The following BSDC1 variants were observed in gnomAD, a reference collection of about 807,000 sequenced individuals.
BSDC1 encodes the protein BSD domain containing 1.
A neutral mutation model predicts 56.0 loss-of-function variants in BSDC1; 29 were observed. That is an observed-to-expected ratio of 0.52 (90% CI 0.39 to 0.71). BSDC1 has a LOEUF of 0.71. BSDC1 is among the 30% of genes least tolerant of loss of function. The pLI, the probability that BSDC1 is intolerant of heterozygous loss-of-function variation, is 0.00. For missense variants in BSDC1, 477 were observed against 548.5 expected, an observed-to-expected ratio of 0.87 and a Z score of 1.30; for synonymous variants, 210 against 215.3, an observed-to-expected ratio of 0.98 and a Z score of 0.21.
At chr1:32,393,445 A>C (rs1369222494) in intron 2 of BSDC1, among the ~76,000 whole-genome samples, 2 of 152,172 alleles carry the variant, frequency 1.3e-5, no homozygotes, top group Non-Finnish European at 2.9e-5. Context: ...CTGTCTAGGC[A>C]GGGTTGCCCT....
intron 4 of BSDC1, among the ~76,000 whole-genome samples, chr1:32,382,081 G>A (rs1199795100): frequency 6.6e-6 from 1 of 151,998 alleles, no homozygotes; most frequent in Non-Finnish European, 1.5e-5. Flanking sequence ...ACAAAAATTA[G>A]CCGGGCATGG....
At chr1:32,389,080 G>A (rs1039487848) in intron 2 of BSDC1, among the ~76,000 whole-genome samples, 3 of 151,066 alleles carry the variant, frequency 2.0e-5, no homozygotes, top group Non-Finnish European at 4.4e-5. Context: ...TCAGCCTCCC[G>A]AGTAGCTGGG....
At chr1:32,383,012 G>T (rs1642541638) in intron 4 of BSDC1, among the ~76,000 whole-genome samples, 6 of 151,860 alleles carry the variant, frequency 4.0e-5, no homozygotes, top group Admixed American at 3.9e-4. Flanking sequence ...TAACCCAAAT[G>T]TGGAGATTAT....
In BSDC1 at chr1:32,366,543, C is replaced by A; in HGVS notation, c.*79G>T. On this transcript the variant is annotated 3_prime_UTR_variant, in exon 11 of 11. Coordinates refer to ENST00000455895, the MANE Select transcript of BSDC1 (RefSeq NM_018045.8). ...CAGAGGAGATTTGGGGGAACATTCT[C>A]AGTCTTCCAGGGCTGGGCTGAGACG... is the stretch of plus-strand genomic sequence containing the variant. The A allele has an allele frequency of 7.6e-7, 1 of 1,318,792 alleles. No individual in the cohort carries two copies. The highest frequency in any genetic ancestry group is 1.3e-5 in the South Asian group (1 of 79,414). 81.7% of individuals were successfully genotyped at this position (1,318,792 alleles called of 1,614,324 possible). A position where few individuals can be genotyped will look rare whatever the true frequency, so the allele number is the denominator to read the frequency against.
At chr1:32,380,952 A>G (rs542063259) in intron 5 of BSDC1, among the ~76,000 whole-genome samples, 3 of 152,278 alleles carry the variant, frequency 2.0e-5, no homozygotes, top group South Asian at 4.1e-4. Context: ...CAAGGGGGGC[A>G]GCAGGGCTGG....
intron 9 of BSDC1, among the ~76,000 whole-genome samples, chr1:32,372,130 C>T (rs898676955): frequency 2.6e-5 from 4 of 152,194 alleles, no homozygotes; most frequent in Non-Finnish European, 5.9e-5. Context: ...CATACATACA[C>T]ATGGCTATGT....
At chr1:32,382,219 T>TC (rs1642502865) in intron 4 of BSDC1, among the ~76,000 whole-genome samples, 1 of 120,738 alleles carries the variant, frequency 8.3e-6, no homozygotes, top group African/African-American at 3.3e-5. Context: ...AGAGAGAGAC[T>TC]CCATCTCAAA....
intron 10 of BSDC1, chr1:32,367,125 G>A (rs1286724601): frequency 2.0e-6 from 2 of 986,200 alleles, no homozygotes; most frequent in East Asian, 1.1e-4. Context: ...GTGGCACTGT[G>A]GCCAAAAGCA....
In BSDC1 at chr1:32,378,595, G is replaced by A. The variant is rs536919746; in HGVS notation, c.528+129C>T. ...GGGGTCTTGGCTCAGGACACAGCTGGTCTGGCTCTATGGAGCCTCCCAGTG... is the reference window on the plus strand; with the variant it reads ...GGGGTCTTGGCTCAGGACACAGCTGATCTGGCTCTATGGAGCCTCCCAGTG... On this transcript the variant is annotated intron_variant, in intron 6 of 10. Coordinates refer to ENST00000455895, the MANE Select transcript of BSDC1 (RefSeq NM_018045.8). This position sits in a 1 kb window ranked among gnomAD's most constrained non-coding sequence, Gnocchi z 5.2. 1.4e-6 allele frequency: 1 copy of A among 702,340 alleles called. No homozygotes were observed. The highest frequency in any genetic ancestry group is 2.7e-5 in the East Asian group (1 of 36,526). 43.5% of individuals were successfully genotyped at this position (702,340 alleles called of 1,614,324 possible).
In BSDC1 at chr1:32,378,535, T is replaced by C. The variant is rs148506012; in HGVS notation, c.528+189A>G. Reference sequence around the variant, plus strand: ...CCTTCCATTTCTCACCATTCTCTGATTGCCAGAAGCCTGGCAAACCAGCTT... The same window carrying C: ...CCTTCCATTTCTCACCATTCTCTGACTGCCAGAAGCCTGGCAAACCAGCTT... On this transcript the variant is annotated intron_variant, in intron 6 of 10. Transcript: ENST00000455895. This position sits in a 1 kb window ranked among gnomAD's most constrained non-coding sequence, Gnocchi z 5.2. Among the ~76,000 whole-genome samples the C allele has an allele frequency of 1.0e-3, 153 of 152,326 alleles. 1 individual carries two copies. In the Middle Eastern group the frequency reaches 0.014, roughly 14 times the overall value.
chr1:32,386,762 G>C lies in BSDC1; in HGVS notation c.189+17C>G. ...TTGCGAGGGGCAGTTACTTGGGAGG[G>C]TTTGGGTGGTACTCACAGCCAGCTT... On this transcript the variant is annotated intron_variant, in intron 3 of 10. Coordinates refer to ENST00000455895, the MANE Select transcript of BSDC1 (RefSeq NM_018045.8). The C allele has an allele frequency of 6.2e-7, 1 of 1,607,558 alleles. No individual in the cohort carries two copies. Among genetic ancestry groups the C allele is most frequent in the Non-Finnish European group, 8.5e-7 (1 of 1,175,144 alleles).
intron 3 of BSDC1, among the ~76,000 whole-genome samples, chr1:32,385,976 T>G (rs1454921379): frequency 6.6e-6 from 1 of 152,030 alleles, no homozygotes; most frequent in Non-Finnish European, 1.5e-5. Context: ...ATCCACATAA[T>G]GGAATACCAT....
At chr1:32,366,863 T>C in intron 10 of BSDC1, 1 of 1,303,972 alleles carries the variant, frequency 7.7e-7, no homozygotes, top group Middle Eastern at 2.9e-4. Flanking sequence ...CCTGATGCTC[T>C]GATTACCTCA....
At chr1:32,394,214 C>G (rs1290027731) in intron 1 of BSDC1, 74 bp from the exon 2 acceptor site, 2 of 1,574,662 alleles carry the variant, frequency 1.3e-6, no homozygotes, top group Non-Finnish European at 1.7e-6. Context: ...TTGTTCCCCG[C>G]TCAGATGTAC....
At chr1:32,383,255 C>A (rs1168185358) in intron 4 of BSDC1, among the ~76,000 whole-genome samples, 1 of 151,998 alleles carries the variant, frequency 6.6e-6, no homozygotes, top group African/African-American at 2.4e-5. Context: ...CCAGCCTGGG[C>A]AACACAGTGA....
Position 32,365,161 on chromosome 1 carries a change from G to C in BSDC1, c.*1461C>G, listed in dbSNP as rs908572603. 1.4e-4 allele frequency: 22 copies of C among 152,168 alleles called. No homozygotes were observed. The highest frequency in any genetic ancestry group is 4.1e-4 in the African/African-American group (17 of 41,424). 9.4% of individuals were successfully genotyped at this position (152,168 alleles called of 1,614,324 possible). The stretch of plus-strand genomic sequence containing the variant: ...AACGGCAAGTCTGTAAAAGGTTCAG[G>C]ACAAAGTTCTTTTTTCTTTCTTTTT... On this transcript the variant is annotated 3_prime_UTR_variant, in exon 11 of 11. Transcript: ENST00000455895.
chr1:32,370,803 CAAAAAAAA>C lies in BSDC1; in HGVS notation c.1157-2261_1157-2254del, dbSNP rs58351365. 4.0e-4 allele frequency among the ~76,000 whole-genome samples: 20 copies of C among 50,132 alleles called. No homozygotes were observed. In the South Asian group the frequency reaches 5.3e-3, roughly 13 times the overall value. 32.9% of individuals were successfully genotyped at this position (50,132 alleles called of 152,430 possible). A position where few individuals can be genotyped will look rare whatever the true frequency, so the allele number is the denominator to read the frequency against. Reference sequence around the variant, plus strand: ...TGGGTGACAGAGTGAGACTCCGTCTCAAAAAAAAAAAAAAAAAAAAAAAAAAAAATTCT... The same window carrying C: ...TGGGTGACAGAGTGAGACTCCGTCTCAAAAAAAAAAAAAAAAAAAAATTCT... On this transcript the variant is annotated intron_variant, in intron 9 of 10. Coordinates refer to ENST00000455895, the MANE Select transcript of BSDC1 (RefSeq NM_018045.8).
At chr1:32,371,369 G>A (rs536828775) in intron 9 of BSDC1, among the ~76,000 whole-genome samples, 28 of 147,390 alleles carry the variant, frequency 1.9e-4, no homozygotes, top group Admixed American at 5.4e-4. Context: ...GGAGTGCAGT[G>A]GCACAATCTC....
At chr1:32,394,258 A>T (rs918255746) in intron 1 of BSDC1, 118 bp from the exon 2 acceptor site, 1 of 1,534,402 alleles carries the variant, frequency 6.5e-7, no homozygotes, top group Admixed American at 1.8e-5. Flanking sequence ...CCGCTTGCCC[A>T]CCCCCTCACA....
Sources: allele counts gnomAD v4.1 joint callset (sites outside exome capture counted in the v4.1 genomes callset), GRCh38; gene constraint gnomAD v4.1.1; non-coding constraint Gnocchi (gnomAD v3.1); transcripts MANE v1.5; gene names NCBI Gene and HGNC (gene_info 2026-07-23, HGNC 2026-07-21).